ABCC8: variants seen among roughly 807,000 people sequenced by gnomAD.
ABCC8 encodes ATP-binding cassette sub-family C member 8.
In ABCC8, 137 loss-of-function variants were observed where a neutral mutation model predicts 188.0. That is an observed-to-expected ratio of 0.73 (90% CI 0.63 to 0.84). The LOEUF (loss-of-function observed/expected upper bound fraction) is 0.84. Ranked by LOEUF, ABCC8 falls within the 40% of genes least tolerant of loss-of-function variation. The pLI is 0.00. For missense variants in ABCC8, 1,750 were observed against 2,072.7 expected (o/e 0.84, Z 3.02); for synonymous variants, 797 against 846.5 (o/e 0.94, Z 1.01).
Position 17,438,984 on chromosome 11 carries a change from C to G in ABCC8, c.1630+3736G>C, listed in dbSNP as rs532386588. On this transcript the variant is annotated intron_variant, in intron 10 of 38. Transcript: ENST00000389817. Reference sequence around the variant, plus strand: ...ATGGAGCTGGCCACACGGTTCTGCTCTCGCTGCCACACTGTTCTGTGCATG... The same window carrying G: ...ATGGAGCTGGCCACACGGTTCTGCTGTCGCTGCCACACTGTTCTGTGCATG... Among the ~76,000 whole-genome samples, 136 of 152,340 alleles carry G rather than the reference C, an allele frequency of 8.9e-4. 1 individual carries two copies. In the Middle Eastern group the frequency reaches 0.014, roughly 15 times the overall value.
chr11:17,443,387 T>C, intron 8 of ABCC8, 75 bp from the exon 9 acceptor site: 1 of 1,609,752 alleles, frequency 6.2e-7, no homozygotes, highest in Non-Finnish European at 8.5e-7. Context: ...AAAATCCCTG[T>C]TTCCCCAGTC....
intron 28 of ABCC8, among the ~76,000 whole-genome samples, chr11:17,403,652 A>T (rs1954360403): frequency 6.6e-6 from 1 of 152,220 alleles, no homozygotes; most frequent in Non-Finnish European, 1.5e-5. Flanking sequence ...TGGGAAAGGT[A>T]CTTAACCTTT....
chr11:17,396,827 G>T, intron 33 of ABCC8, 89 bp downstream of exon 33: 1 of 1,541,194 alleles, frequency 6.5e-7, no homozygotes, highest in Admixed American at 1.8e-5. Context: ...GGAGGGCCAC[G>T]AGGTGACTGC....
At chr11:17,456,548 C>T (rs775422697) in intron 6 of ABCC8, among the ~76,000 whole-genome samples, 7 of 152,204 alleles carry the variant, frequency 4.6e-5, no homozygotes, top group Non-Finnish European at 1.0e-4. Flanking sequence ...GTGAGTTGTC[C>T]GTAGGTCCCA....
chr11:17,430,837 T>C lies in ABCC8; in HGVS notation c.1794A>G (p.Arg598=). Residue 598 remains arginine, a synonymous_variant, in exon 12 of 39, where the codon CGA becomes CGG. Transcript: ENST00000389817. ...ACCTCACTAGAGCTTTGACGGTAGA[T>C]CGGACCACACTGGACAGCAGGAACA... ...TPLFLLSSVV[R]STVKALVSVQ... 2.5e-6 allele frequency: 4 copies of C among 1,614,150 alleles called. No individual in the cohort carries two copies. Among genetic ancestry groups the C allele is most frequent in the Non-Finnish European group, 3.4e-6 (4 of 1,180,020 alleles).
chr11:17,463,456 G>A lies in ABCC8; in HGVS notation c.561C>T (p.Val187=). The change falls in exon 4 of 39, where the codon GTC becomes GTT. Residue 187 remains valine, a synonymous_variant. Transcript: ENST00000389817. ...TGCTTACCCTCACCCTGATGACATT[G>A]ACCTCCACGAGGAGCAGCATCCCAT... ...ILYGMLLLVE[V]NVIRVRRYIF... The A allele has an allele frequency of 6.2e-7, 1 of 1,605,492 alleles. No homozygotes were observed. The highest frequency in any genetic ancestry group is 8.5e-7 in the Non-Finnish European group (1 of 1,176,284).
Position 17,395,195 on chromosome 11 carries a change from A to G in ABCC8, c.4388T>C (p.Val1463Ala). Residue 1463 changes from valine to alanine, a missense_variant, in exon 36 of 39, where the codon GTG (valine) becomes GCG (alanine). Coordinates refer to ENST00000389817, the MANE Select transcript of ABCC8 (RefSeq NM_000352.6). ...ACCGAGGCCTCCTGGCAGTGCCTTC[A>G]CCACCAGCTTCAGCTGGGCGATTTC... is the stretch of plus-strand genomic sequence containing the variant. ...ALEIAQLKLV[V>A]KALPGGLDAI... 1 of 1,586,538 alleles carries G rather than the reference A, an allele frequency of 6.3e-7. No homozygotes were observed.
chr11:17,407,301 G>A, intron 24 of ABCC8, 53 bp downstream of exon 24: 1 of 1,613,846 alleles, frequency 6.2e-7, no homozygotes, highest in Admixed American at 1.7e-5. Context: ...TAGCCTCTCT[G>A]TGGCTGATCA....
chr11:17,402,719 G>A lies in ABCC8; in HGVS notation c.3592C>T (p.Pro1198Ser). 1 of 1,614,244 alleles carries A rather than the reference G, an allele frequency of 6.2e-7. No individual in the cohort carries two copies. Among genetic ancestry groups the A allele is most frequent in the Non-Finnish European group, 8.5e-7 (1 of 1,180,046 alleles). ...GTTTCGGCAAAGTGTGAGAGAAGTG[G>A]AAGCTGGGTGGTGTCATCCAGCTGC... Reference protein sequence around the residue: ...LQQLDDTTQLPLLSHFAETVE... With the variant: ...LQQLDDTTQLSLLSHFAETVE... Residue 1198 changes from proline (P) to serine (S), a missense_variant, in exon 29 of 39, where the codon CCA becomes TCA. Physicochemically the swap from Pro to Ser is moderately conservative, Grantham distance 74. Transcript: ENST00000389817.
At chr11:17,411,284 C>T (rs1954792633) in intron 21 of ABCC8, among the ~76,000 whole-genome samples, 1 of 152,158 alleles carries the variant, frequency 6.6e-6, no homozygotes, top group Non-Finnish European at 1.5e-5. Context: ...TGTGCCTGTG[C>T]CTGGCACAGA....
At chr11:17,426,901 T>C (rs940914413) in intron 16 of ABCC8, 148 bp downstream of exon 16, 1 of 857,288 alleles carries the variant, frequency 1.2e-6, no homozygotes, top group Non-Finnish European at 1.7e-6. Flanking sequence ...GTACTAGTGA[T>C]GATGATGAGA....
intron 10 of ABCC8, among the ~76,000 whole-genome samples, chr11:17,442,270 G>C (rs1425020257): frequency 6.6e-5 from 10 of 152,138 alleles, no homozygotes; most frequent in Non-Finnish European, 1.5e-4. Flanking sequence ...AGGATAACTA[G>C]TCTTTTTCTT....
rs1167762160 is a variant in ABCC8, at chr11:17,436,028, T to TG, written c.1631-3785dup. ...CTGTAGATAGTGATGTGGGGAGATA[T>TG]GGGACAGTTTGAACTTGTGTTCTTA... On this transcript the variant is annotated intron_variant, in intron 10 of 38. Coordinates refer to ENST00000389817, the MANE Select transcript of ABCC8 (RefSeq NM_000352.6). 3.0e-5 allele frequency: 37 copies of TG among 1,243,168 alleles called. No homozygotes were observed. The Admixed American group carries it at 6.1e-4, about 20-fold the overall frequency. 77.0% of individuals were successfully genotyped at this position (1,243,168 alleles called of 1,614,324 possible).
In ABCC8 at chr11:17,443,321, G is replaced by A; in HGVS notation, c.1333-9C>T. 6.2e-7 allele frequency: 1 copy of A among 1,614,046 alleles called. No individual in the cohort carries two copies. The highest frequency in any genetic ancestry group is 1.3e-5 in the African/African-American group (1 of 75,008). ...ATCACACCCACAATGATCTGAGGAA[G>A]GGGTCATGGGTCAGGTCCCTTTGAC... On this transcript the variant is annotated splice_polypyrimidine_tract_variant and intron_variant, in intron 8 of 38. Coordinates refer to ENST00000389817, the MANE Select transcript of ABCC8 (RefSeq NM_000352.6).
chr11:17,423,183 C>T (rs1212640350), intron 16 of ABCC8, among the ~76,000 whole-genome samples: 1 of 151,526 alleles, frequency 6.6e-6, no homozygotes, highest in African/African-American at 2.4e-5. Flanking sequence ...ATAGTGAAAC[C>T]CCGTCTCTAC....
At position 17,395,842 on chromosome 11, in the gene ABCC8, T is replaced by TACA. The variant is rs1372570481; in HGVS notation, c.4198+7_4198+9dup. The TACA allele has an allele frequency of 6.4e-7, 1 of 1,571,518 alleles. No individual in the cohort carries two copies. The highest frequency in any genetic ancestry group is 8.6e-7 in the Non-Finnish European group (1 of 1,157,224). On this transcript the variant is annotated intron_variant, in intron 34 of 38. Coordinates refer to ENST00000389817, the MANE Select transcript of ABCC8 (RefSeq NM_000352.6). ...GTGGGTACACGTGGGGTGCCCGCCT[T>TACA]ACAACTCACCTTCGAACGTGTCCAC...
intron 26 of ABCC8, chr11:17,406,408 A>T (rs1380897460): frequency 1.7e-6 from 1 of 601,250 alleles, no homozygotes; most frequent in East Asian, 2.8e-5. Flanking sequence ...AAATGAGCTA[A>T]CCACACACAA....
chr11:17,462,058 G>A (rs1329201070), intron 4 of ABCC8, among the ~76,000 whole-genome samples: 1 of 152,182 alleles, frequency 6.6e-6, no homozygotes, highest in Non-Finnish European at 1.5e-5. Context: ...AACCCCCCAT[G>A]GCTAGGCTGG....
At chr11:17,397,848 C>T (rs772703904) in intron 30 of ABCC8, 51 bp from the exon 31 acceptor site, 1 of 1,604,812 alleles carries the variant, frequency 6.2e-7, no homozygotes, top group Non-Finnish European at 8.5e-7. Context: ...GAGCCACAGG[C>T]CCCTGTTCTA....
Sources: allele counts gnomAD v4.1 joint callset (sites outside exome capture counted in the v4.1 genomes callset), GRCh38; gene constraint gnomAD v4.1.1; transcripts MANE v1.5; gene names NCBI Gene and HGNC (gene_info 2026-07-23, HGNC 2026-07-21).